EML4: variants seen among roughly 807,000 people sequenced by gnomAD.
EML4 encodes echinoderm microtubule-associated protein-like 4.
Under a neutral mutation model 129.0 loss-of-function variants are expected in EML4, and 72 were observed. That is an observed-to-expected ratio of 0.56 (90% CI 0.46 to 0.68). EML4 has a LOEUF of 0.68. Ranked by LOEUF, EML4 falls within the 30% of genes least tolerant of loss-of-function variation. The probability of loss-of-function intolerance (pLI) is 0.00; values close to 1 mark genes in which losing one functional copy is unlikely to be tolerated. For synonymous variants in EML4, 532 were observed against 405.0 expected (o/e 1.31, Z -3.77); for missense variants, 1,363 against 1,190.6 (o/e 1.14, Z -2.13).
intron 21 of EML4, among the ~76,000 whole-genome samples, chr2:42,328,025 C>T (rs1418531902): frequency 6.6e-6 from 1 of 152,142 alleles, no homozygotes; most frequent in African/African-American, 2.4e-5. Flanking sequence ...TAATTCTGTC[C>T]ATAAACAATT....
At chr2:42,270,930 G>T (rs1429351261) in intron 6 of EML4, among the ~76,000 whole-genome samples, 1 of 152,162 alleles carries the variant, frequency 6.6e-6, no homozygotes, top group African/African-American at 2.4e-5. Flanking sequence ...GGGTCTCACT[G>T]TGTTGCCCAG....
intron 1 of EML4, among the ~76,000 whole-genome samples, chr2:42,193,621 A>G (rs768462596): frequency 2.0e-5 from 3 of 151,066 alleles, no homozygotes; most frequent in Non-Finnish European, 4.4e-5. Flanking sequence ...CATTGTTGAT[A>G]TATTTTGCTT....
At chr2:42,262,439 C>T (rs890595345) in intron 4 of EML4, among the ~76,000 whole-genome samples, 5 of 152,060 alleles carry the variant, frequency 3.3e-5, no homozygotes, top group African/African-American at 1.2e-4. Flanking sequence ...CTTTAAGGTT[C>T]TGATTTCACT....
At chr2:42,212,884 G>T (rs1346457393) in intron 1 of EML4, among the ~76,000 whole-genome samples, 1 of 152,190 alleles carries the variant, frequency 6.6e-6, no homozygotes, top group Non-Finnish European at 1.5e-5. Flanking sequence ...TTGACTAAGA[G>T]TCTGAAAACC....
chr2:42,185,639 A>G (rs1369191987), intron 1 of EML4, among the ~76,000 whole-genome samples: 2 of 152,168 alleles, frequency 1.3e-5, no homozygotes, highest in African/African-American at 4.8e-5. Flanking sequence ...GAGATGAGAG[A>G]TGAAGGCAGG....
chr2:42,243,714 T>G (rs1025424214), intron 1 of EML4, among the ~76,000 whole-genome samples: 38 of 152,236 alleles, frequency 2.5e-4, no homozygotes, highest in Non-Finnish European at 4.6e-4. Context: ...TACATGTGTA[T>G]GCATGGGAGG....
intron 1 of EML4, chr2:42,169,869 G>T (rs934312649): frequency 1.4e-5 from 6 of 430,574 alleles, no homozygotes; most frequent in African/African-American, 8.2e-5. Flanking sequence ...GCCCCTTTCA[G>T]TGCGGGGCCC....
At chr2:42,240,251 T>G (rs765883434) in intron 1 of EML4, among the ~76,000 whole-genome samples, 50 of 152,350 alleles carry the variant, frequency 3.3e-4, no homozygotes, top group Admixed American at 7.2e-4. Flanking sequence ...TTAAAGGGCA[T>G]AAATTAATAC....
intron 1 of EML4, among the ~76,000 whole-genome samples, chr2:42,176,976 T>G (rs1200552830): frequency 6.6e-6 from 1 of 152,066 alleles, no homozygotes; most frequent in African/African-American, 2.4e-5. Flanking sequence ...GTATTTTTAG[T>G]AGAGACGGGT....
At chr2:42,313,946 A>AAAAGCCTACC (rs1474178713) in intron 17 of EML4, among the ~76,000 whole-genome samples, 1 of 152,052 alleles carries the variant, frequency 6.6e-6, no homozygotes, top group Non-Finnish European at 1.5e-5. Flanking sequence ...CAAAAAAAAA[A>AAAAGCCTACC]AAAGCCTACC....
Position 42,169,641 on chromosome 2 carries a change from G to T in EML4, c.25+5G>T. 6.2e-7 allele frequency: 1 copy of T among 1,602,530 alleles called. No homozygotes were observed. The highest frequency in any genetic ancestry group is 8.5e-7 in the Non-Finnish European group (1 of 1,174,910). On this transcript the variant is annotated splice_donor_5th_base_variant and intron_variant, in intron 1 of 22. Coordinates refer to ENST00000318522, the MANE Select transcript of EML4 (RefSeq NM_019063.5). ...ACGGTTTCGCCGGCAGTCTCGGTGA[G>T]TACGGCTGGGGAGTCCTGCGTCTTC...
intron 8 of EML4, 42 bp downstream of exon 8, chr2:42,283,014 C>G (rs543490041): frequency 3.3e-6 from 5 of 1,518,560 alleles, no homozygotes; most frequent in Non-Finnish European, 4.4e-6. Context: ...TTCTTTCAGG[C>G]CCTCATTTTG....
chr2:42,189,665 T>C (rs2579970), intron 1 of EML4, among the ~76,000 whole-genome samples: 92,638 of 152,042 alleles, frequency 0.61, 28,770 homozygotes, highest in East Asian at 0.74. Flanking sequence ...CATTAATATC[T>C]GTATTTTATA....
intron 20 of EML4, 113 bp from the exon 21 acceptor site, chr2:42,326,041 T>C: frequency 5.8e-6 from 8 of 1,370,894 alleles, no homozygotes; most frequent in Non-Finnish European, 7.7e-6. Context: ...TTAATGTTTT[T>C]CAGTGTATGG....
intron 1 of EML4, among the ~76,000 whole-genome samples, chr2:42,175,219 T>C (rs1208824103): frequency 6.6e-6 from 1 of 151,602 alleles, no homozygotes; most frequent in African/African-American, 2.4e-5. Context: ...TTCAAGCTAT[T>C]CTCCTGCCTC....
intron 1 of EML4, among the ~76,000 whole-genome samples, chr2:42,193,484 G>T (rs1430285764): frequency 2.6e-5 from 4 of 152,184 alleles, no homozygotes; most frequent in African/African-American, 9.7e-5. Flanking sequence ...AAATTTCTTA[G>T]CAAAGAAGTT....
At position 42,304,467 on chromosome 2, in the gene EML4, G is replaced by A; in HGVS notation, c.1900-17G>A. The A allele has an allele frequency of 1.2e-6, 2 of 1,612,266 alleles. No individual in the cohort carries two copies. The highest frequency in any genetic ancestry group is 1.7e-6 in the Non-Finnish European group (2 of 1,178,334). On this transcript the variant is annotated splice_polypyrimidine_tract_variant and intron_variant, in intron 16 of 22. Coordinates refer to ENST00000318522, the MANE Select transcript of EML4 (RefSeq NM_019063.5). ...CTTTCTCATGTACTCCCCAACAGCT[G>A]TCTGTCTCTTTTCTAGGAACCAGGA... is the stretch of plus-strand genomic sequence containing the variant.
At chr2:42,288,047 T>C (rs548784352) in intron 10 of EML4, among the ~76,000 whole-genome samples, 180 bp from the exon 11 acceptor site, 1 of 152,324 alleles carries the variant, frequency 6.6e-6, no homozygotes, top group East Asian at 1.9e-4. Context: ...AAAGAATCTT[T>C]ATATTTTTGA....
chr2:42,189,210 G>T (rs888619053), intron 1 of EML4, among the ~76,000 whole-genome samples: 3 of 152,134 alleles, frequency 2.0e-5, no homozygotes, highest in African/African-American at 7.2e-5. Flanking sequence ...CAGAGTTACT[G>T]TGGGGAGCAC....
Sources: allele counts gnomAD v4.1 joint callset (sites outside exome capture counted in the v4.1 genomes callset), GRCh38; gene constraint gnomAD v4.1.1; transcripts MANE v1.5; gene names NCBI Gene and HGNC (gene_info 2026-07-23, HGNC 2026-07-21).